The following MAPK9 variants were observed in gnomAD, a reference collection of about 807,000 sequenced individuals.
The protein encoded by MAPK9 is Jun kinase.
MAPK9 carries 30 observed loss-of-function variants against 57.1 expected under a neutral mutation model. That is an observed-to-expected ratio of 0.53 (90% confidence interval 0.39 to 0.71). The LOEUF is 0.71. Ranked by LOEUF, MAPK9 falls within the 30% of genes least tolerant of loss-of-function variation. The pLI, the probability that MAPK9 is intolerant of heterozygous loss-of-function variation, is 0.00. For synonymous variants in MAPK9, 155 were observed against 177.0 expected (o/e 0.88, Z 0.99); for missense variants, 362 against 521.0 (o/e 0.69, Z 2.97).
At chr5:180,263,989 G>A (rs912461856) in intron 4 of MAPK9, among the ~76,000 whole-genome samples, 1 of 152,180 alleles carries the variant, frequency 6.6e-6, no homozygotes, top group Non-Finnish European at 1.5e-5. Flanking sequence ...ATAGGCGTGA[G>A]CCACCGCACC....
chr5:180,286,079 C>CAA (rs56658635), intron 1 of MAPK9, among the ~76,000 whole-genome samples: 2 of 117,694 alleles, frequency 1.7e-5, no homozygotes, highest in Non-Finnish European at 1.7e-5. Flanking sequence ...GACTCCGTCT[C>CAA]AAAAAAAAAA....
intron 11 of MAPK9, chr5:180,237,414 G>C (rs778953656): frequency 6.6e-6 from 1 of 152,172 alleles, no homozygotes; most frequent in South Asian, 2.1e-4. Context: ...TCCTTCAGAC[G>C]TAAGTGAACA....
chr5:180,269,355 A>AC lies in MAPK9; in HGVS notation c.176dup (p.Pro60SerfsTer14). On this transcript the variant is annotated frameshift_variant, in exon 3 of 12. Coordinates refer to ENST00000452135, the MANE Select transcript of MAPK9 (RefSeq NM_002752.5). LOFTEE classifies it high-confidence loss of function. Reference sequence around the variant, plus strand: ...TTGCATGAGTTTGGTTCTGAAAAGGACGGCTTAGTTTCTTGACTGCAACAT... The same window carrying AC: ...TTGCATGAGTTTGGTTCTGAAAAGGACCGGCTTAGTTTCTTGACTGCAACAT... 1 of 1,614,064 alleles carries AC rather than the reference A, an allele frequency of 6.2e-7. No homozygotes were observed. Among genetic ancestry groups the AC allele is most frequent in the Non-Finnish European group, 8.5e-7 (1 of 1,179,914 alleles).
rs911104636 is a variant in MAPK9 at position 180,240,003 on chromosome 5, T to C, written c.997-16A>G. ...GAGGTGGTGGCTAAAAATTAAATCA[T>C]ATGTAAAGTCAACAGTAATGCCTCA... On this transcript the variant is annotated splice_polypyrimidine_tract_variant and intron_variant, in intron 9 of 11. Transcript: ENST00000452135. 1 of 1,607,534 alleles carries C rather than the reference T, an allele frequency of 6.2e-7. No individual in the cohort carries two copies. Among genetic ancestry groups the C allele is most frequent in the Non-Finnish European group, 8.5e-7 (1 of 1,175,688 alleles).
chr5:180,283,502 C>T (rs72811018), intron 1 of MAPK9, among the ~76,000 whole-genome samples: 22,858 of 152,252 alleles, frequency 0.15, 2,122 homozygotes, highest in Middle Eastern at 0.2. Context: ...TCAATCTCAA[C>T]CCTGCTGACC....
At chr5:180,283,976 G>A (rs1339284124) in intron 1 of MAPK9, among the ~76,000 whole-genome samples, 1 of 152,022 alleles carries the variant, frequency 6.6e-6, no homozygotes, top group Admixed American at 6.6e-5. Context: ...ATTAAAATAA[G>A]GTACCCTTAT....
rs1208343194 is a variant in MAPK9 at position 180,269,209 on chromosome 5, C to A, written c.252+71G>T. 3 of 1,491,978 alleles carry A rather than the reference C, an allele frequency of 2.0e-6. No individual in the cohort carries two copies. The Admixed American group carries it at 5.2e-5, about 26-fold the overall frequency. The allele number at this position is 1,491,978 out of a possible 1,614,324, so 92.4% of individuals were successfully genotyped here. A position where few individuals can be genotyped will look rare whatever the true frequency, so the allele number is the denominator to read the frequency against. On this transcript the variant is annotated intron_variant, in intron 3 of 11. Transcript: ENST00000452135. ...CCTAGGTCTGAACTCAATGTATCTC[C>A]AGAAAACCCTGAAGATTACCACATT...
Position 180,236,522 on chromosome 5 carries a change from T to C in MAPK9, c.1137A>G (p.Ala379=). 1 of 1,613,710 alleles carries C rather than the reference T, an allele frequency of 6.2e-7. No homozygotes were observed. The highest frequency in any genetic ancestry group is 1.3e-5 in the African/African-American group (1 of 75,056). Residue 379 remains alanine, a synonymous_variant, in exon 12 of 12, where the codon GCA becomes GCG. Coordinates refer to ENST00000452135, the MANE Select transcript of MAPK9 (RefSeq NM_002752.5). ...AAGGAGTGGCGTTGCTACTTACTGC[T>C]GCATCTGTGCTAAGAAAACCAAATA... ...NGVVKDQPSD[A]AVSSNATPSQ... is the part of the protein sequence containing the mutation.
intron 2 of MAPK9, among the ~76,000 whole-genome samples, chr5:180,272,423 CTTTT>C (rs1212922789): frequency 2.6e-5 from 4 of 152,196 alleles, no homozygotes; most frequent in African/African-American, 7.2e-5. Flanking sequence ...TCCTTTGCTT[CTTTT>C]TTTGTTTCCC....
In MAPK9 at chr5:180,238,337, G is replaced by C; in HGVS notation, c.1127C>G (p.Pro376Arg). 1.2e-6 allele frequency: 2 copies of C among 1,610,740 alleles called. No individual in the cohort carries two copies. Among genetic ancestry groups the C allele is most frequent in the East Asian group, 2.2e-5 (1 of 44,826 alleles). The stretch of plus-strand genomic sequence containing the variant: ...CAATTAAAGCAATCACTAACCTGAA[G>C]GCTGATCTTTTACAACACCATTCTT... ...RSKNGVVKDQ[P>R]SDAAVSSNAT... The change falls in exon 11 of 12, where the codon CCT (proline) becomes CGT (arginine). Residue 376 changes from proline to arginine, a missense_variant. Pro to Arg is a moderately radical substitution (Grantham distance 103). This residue lies in a region of MAPK9 where 199 missense variants were observed against 251.3 expected (regional missense o/e 0.79). Coordinates refer to ENST00000452135, the MANE Select transcript of MAPK9 (RefSeq NM_002752.5).
At chr5:180,245,563 T>C (rs1758018810) in intron 7 of MAPK9, among the ~76,000 whole-genome samples, 1 of 151,646 alleles carries the variant, frequency 6.6e-6, no homozygotes, top group African/African-American at 2.4e-5. Context: ...GTGGGAGGGA[T>C]GGGGGACAGA....
intron 4 of MAPK9, 144 bp from the exon 5 acceptor site, chr5:180,261,966 T>C: frequency 1.6e-6 from 1 of 606,878 alleles, no homozygotes; most frequent in Non-Finnish European, 2.6e-6. Flanking sequence ...TTCTAAAAAT[T>C]TTCCAAAGAA....
intron 2 of MAPK9, among the ~76,000 whole-genome samples, chr5:180,272,979 G>T (rs566140679): frequency 7.2e-5 from 11 of 152,136 alleles, no homozygotes; most frequent in African/African-American, 2.6e-4. Flanking sequence ...CTGCCTCTGC[G>T]TGGTTCCAGT....
intron 5 of MAPK9, among the ~76,000 whole-genome samples, chr5:180,253,212 C>T (rs1487860081): frequency 6.6e-6 from 1 of 152,216 alleles, no homozygotes; most frequent in Non-Finnish European, 1.5e-5. Context: ...GACCAGGCCT[C>T]TGAGGGGCCA....
Position 180,292,060 on chromosome 5 carries a change from T to TGCC in MAPK9, c.-263_-261dup, listed in dbSNP as rs1208688132. Reference sequence around the variant, plus strand: ...CCGGTCCCGCTCCCTTCTCCGCCGCTGCCGCCGCCGCGGCGCCCGGTCTGA... The same window carrying TGCC: ...CCGGTCCCGCTCCCTTCTCCGCCGCTGCCGCCGCCGCCGCGGCGCCCGGTCTGA... On this transcript the variant is annotated 5_prime_UTR_variant, in exon 1 of 12. Transcript: ENST00000452135. 2.0e-5 allele frequency: 3 copies of TGCC among 151,826 alleles called. No homozygotes were observed. Among genetic ancestry groups the TGCC allele is most frequent in the East Asian group, 1.9e-4 (1 of 5,154 alleles). The allele number at this position is 151,826 out of a possible 1,614,324, so 9.4% of individuals were successfully genotyped here. A position where few individuals can be genotyped will look rare whatever the true frequency, so the allele number is the denominator to read the frequency against.
At chr5:180,286,879 G>A (rs1041541463) in intron 1 of MAPK9, 3 of 152,212 alleles carry the variant, frequency 2.0e-5, no homozygotes, top group African/African-American at 7.2e-5. Context: ...TGCCAAACTA[G>A]AAACAACCCA....
intron 3 of MAPK9, among the ~76,000 whole-genome samples, chr5:180,265,385 A>C (rs1760426003): frequency 1.3e-5 from 2 of 152,130 alleles, no homozygotes; most frequent in South Asian, 4.1e-4. Flanking sequence ...CCACGTGTCT[A>C]GGGAGAGACC....
At chr5:180,259,671 G>C (rs1486062122) in intron 5 of MAPK9, among the ~76,000 whole-genome samples, 1 of 144,214 alleles carries the variant, frequency 6.9e-6, no homozygotes. Flanking sequence ...CAGTTCTCTA[G>C]GTAAACATGA....
chr5:180,284,523 GCACTTTCATA>G (rs1203775747), intron 1 of MAPK9, among the ~76,000 whole-genome samples: 2 of 152,204 alleles, frequency 1.3e-5, no homozygotes, highest in Non-Finnish European at 2.9e-5. Context: ...GAGGAAACAG[GCACTTTCATA>G]CACGTCAGTG....
Sources: allele counts gnomAD v4.1 joint callset (sites outside exome capture counted in the v4.1 genomes callset), GRCh38; gene constraint gnomAD v4.1.1; regional missense constraint gnomAD v4.1.1; transcripts MANE v1.5; gene names NCBI Gene and HGNC (gene_info 2026-07-23, HGNC 2026-07-21).